The following C19orf18 variants were observed in gnomAD, a reference collection of about 807,000 sequenced individuals.
C19orf18 encodes chromosome 19 open reading frame 18.
C19orf18 carries 21 observed loss-of-function variants against 23.3 expected under a neutral mutation model. That is an observed-to-expected ratio of 0.90 (90% confidence interval 0.64 to 1.30). The LOEUF is 1.30. Among genes scored for constraint, C19orf18 ranks in the 50% most tolerant of loss-of-function variants. C19orf18 has a pLI of 0.00. For missense variants in C19orf18, 249 were observed against 259.6 expected (o/e 0.96, Z 0.28); for synonymous variants, 96 against 95.2 (o/e 1.01, Z -0.05).
chr19:57,966,953 G>A (rs1360273594), intron 3 of C19orf18, among the ~76,000 whole-genome samples: 1 of 151,816 alleles, frequency 6.6e-6, no homozygotes, highest in Non-Finnish European at 1.5e-5. Flanking sequence ...TTGTGTTTTT[G>A]TAGAGATGGG....
intron 3 of C19orf18, 122 bp downstream of exon 3, chr19:57,972,341 A>G (rs3810128): frequency 0.23 from 275,019 of 1,181,746 alleles, 33,567 homozygotes; most frequent in African/African-American, 0.34. Context: ...CTTGTCTAAC[A>G]CACATGAAGG....
intron 3 of C19orf18, among the ~76,000 whole-genome samples, chr19:57,970,595 T>C (rs1054038843): frequency 9.2e-5 from 14 of 152,146 alleles, no homozygotes; most frequent in African/African-American, 3.4e-4. Flanking sequence ...AATTTTTTTT[T>C]TTTTGTTACA....
chr19:57,966,224 G>A (rs1377751164), intron 4 of C19orf18, among the ~76,000 whole-genome samples: 19 of 151,992 alleles, frequency 1.3e-4, no homozygotes, highest in South Asian at 2.1e-4. Flanking sequence ...TGATCCACCC[G>A]CCTCGGCCTT....
intron 2 of C19orf18, among the ~76,000 whole-genome samples, chr19:57,973,025 G>A (rs1174215921): frequency 6.6e-6 from 1 of 151,730 alleles, no homozygotes; most frequent in Non-Finnish European, 1.5e-5. Context: ...GCACGCGCCT[G>A]TAGTCCCAGC....
intron 5 of C19orf18, 48 bp downstream of exon 5, chr19:57,961,343 C>A: frequency 6.6e-7 from 1 of 1,521,308 alleles, no homozygotes; most frequent in Non-Finnish European, 8.8e-7. Flanking sequence ...CGCAAGCTGC[C>A]GCTGCCAGCT....
intron 2 of C19orf18, among the ~76,000 whole-genome samples, chr19:57,973,596 G>T (rs1003387882): frequency 1.3e-5 from 2 of 151,758 alleles, no homozygotes; most frequent in Non-Finnish European, 2.9e-5. Flanking sequence ...GTGGTGGCGG[G>T]TGCCTGTAGT....
intron 2 of C19orf18, among the ~76,000 whole-genome samples, chr19:57,972,841 A>T (rs257675): frequency 1.3e-5 from 2 of 151,752 alleles, no homozygotes; most frequent in African/African-American, 4.8e-5. Flanking sequence ...GGAGAGACTT[A>T]GAGTTGAAGG....
At chr19:57,971,617 C>T (rs781596704) in intron 3 of C19orf18, among the ~76,000 whole-genome samples, 2 of 152,042 alleles carry the variant, frequency 1.3e-5, no homozygotes, top group Non-Finnish European at 2.9e-5. Flanking sequence ...ATTACAGGTG[C>T]CCACCACCAC....
intron 3 of C19orf18, among the ~76,000 whole-genome samples, chr19:57,969,566 G>C (rs369247897): frequency 2.2e-5 from 1 of 46,500 alleles, no homozygotes; most frequent in African/African-American, 9.5e-5. Flanking sequence ...AAAAAAAACA[G>C]AAAAAAAAAA....
chr19:57,968,290 C>T (rs148645929), intron 3 of C19orf18, among the ~76,000 whole-genome samples: 267 of 152,330 alleles, frequency 1.8e-3, no homozygotes, highest in Non-Finnish European at 3.3e-3. Context: ...CTAATATCCT[C>T]ACCTTTGGGG....
At chr19:57,961,853 ATCTT>A (rs2072874158) in intron 4 of C19orf18, among the ~76,000 whole-genome samples, 1 of 151,666 alleles carries the variant, frequency 6.6e-6, no homozygotes. Context: ...CAAACAAATC[ATCTT>A]TCTTTCCATT....
intron 4 of C19orf18, among the ~76,000 whole-genome samples, chr19:57,964,924 C>T (rs937286103): frequency 2.6e-5 from 4 of 152,150 alleles, no homozygotes; most frequent in African/African-American, 9.6e-5. Flanking sequence ...CTTTTTCTAC[C>T]GTGAATTTCA....
rs1328761482 is a variant in C19orf18, at chr19:57,958,574, C to T, written c.*28G>A. ...CAGCACCCCCATAGTTTCTCCTCTG[C>T]CTCAGCCGGCACCTCTGTCGTCTGC... On this transcript the variant is annotated 3_prime_UTR_variant, in exon 6 of 6. Transcript: ENST00000314391. The T allele has an allele frequency of 1.4e-6, 2 of 1,479,416 alleles. No individual in the cohort carries two copies. Among genetic ancestry groups the T allele is most frequent in the South Asian group, 2.4e-5 (2 of 82,766 alleles). 91.6% of individuals were successfully genotyped at this position (1,479,416 alleles called of 1,614,324 possible).
chr19:57,969,639 G>T (rs1472980839), intron 3 of C19orf18, among the ~76,000 whole-genome samples: 1 of 146,880 alleles, frequency 6.8e-6, no homozygotes, highest in African/African-American at 2.5e-5. Flanking sequence ...AGGCATGGTG[G>T]CTCATGTCTG....
chr19:57,959,737 G>A (rs1258539735), intron 5 of C19orf18, among the ~76,000 whole-genome samples: 1 of 148,644 alleles, frequency 6.7e-6, no homozygotes, highest in Non-Finnish European at 1.5e-5. Flanking sequence ...TGGGGCTTCA[G>A]TGAGCTGATA....
chr19:57,964,085 C>G (rs897082018), intron 4 of C19orf18, among the ~76,000 whole-genome samples: 12 of 151,862 alleles, frequency 7.9e-5, no homozygotes, highest in African/African-American at 2.7e-4. Context: ...TGTTTGTTTT[C>G]GTTTTGGTTT....
At chr19:57,961,575 T>G in intron 4 of C19orf18, 24 bp from the exon 5 acceptor site, 1 of 1,590,368 alleles carries the variant, frequency 6.3e-7, no homozygotes, top group Non-Finnish European at 8.5e-7. Context: ...TAAATGAATT[T>G]AGAAGCACAG....
intron 5 of C19orf18, 136 bp downstream of exon 5, chr19:57,961,254 GA>G: frequency 1.0e-6 from 1 of 989,312 alleles, no homozygotes; most frequent in African/African-American, 1.8e-5. Context: ...ATGAAAGAAA[GA>G]AAGGAAGGAA....
chr19:57,965,897 T>A (rs976768991), intron 4 of C19orf18, among the ~76,000 whole-genome samples: 2 of 152,208 alleles, frequency 1.3e-5, no homozygotes, highest in Non-Finnish European at 2.9e-5. Flanking sequence ...TGTGTCTGTG[T>A]GTGTGTGCAT....
Sources: gnomAD v4.1 joint callset for allele counts (sites outside exome capture counted in the v4.1 genomes callset) on GRCh38, gnomAD v4.1.1 for gene constraint, MANE v1.5 for transcripts, NCBI Gene and HGNC (gene_info 2026-07-23, HGNC 2026-07-21) for gene names.